Variants in CEP135 observed in about 807,000 individuals in gnomAD.
The protein encoded by CEP135 is centrosomal protein of 135 kDa.
A neutral mutation model predicts 157.3 loss-of-function variants in CEP135; 142 were observed. That is an observed-to-expected ratio of 0.90 (90% confidence interval 0.79 to 1.04). The LOEUF (loss-of-function observed/expected upper bound fraction) is 1.04, where lower values mean the gene tolerates loss of function less well. CEP135 is among the 50% of genes least tolerant of loss of function. CEP135 has a pLI of 0.00. For missense variants in CEP135, 1,317 were observed against 1,309.2 expected, an observed-to-expected ratio of 1.01 and a Z score of -0.09; for synonymous variants, 396 against 439.8, an observed-to-expected ratio of 0.90 and a Z score of 1.25.
In CEP135 at chr4:55,954,402, G is replaced by A. The variant is rs371418852; in HGVS notation, c.472+19G>A. Reference sequence around the variant, plus strand: ...ACTCCAGGTAAATCGATTCCTTCTCGAGACAAATTATACACATTTAATCTT... The same window carrying A: ...ACTCCAGGTAAATCGATTCCTTCTCAAGACAAATTATACACATTTAATCTT... On this transcript the variant is annotated intron_variant, in intron 4 of 25. Coordinates refer to ENST00000257287, the MANE Select transcript of CEP135 (RefSeq NM_025009.5). 1.4e-5 allele frequency: 22 copies of A among 1,572,778 alleles called. No individual in the cohort carries two copies. The highest frequency in any genetic ancestry group is 4.1e-5 in the African/African-American group (3 of 72,876).
intron 14 of CEP135, among the ~76,000 whole-genome samples, chr4:55,989,540 A>G (rs1458105484): frequency 6.6e-6 from 1 of 152,192 alleles, no homozygotes; most frequent in African/African-American, 2.4e-5. Flanking sequence ...ATAGGACCAC[A>G]TTGGCAAAAA....
chr4:56,017,521 G>C, intron 21 of CEP135, 127 bp from the exon 22 acceptor site: 1 of 702,390 alleles, frequency 1.4e-6, no homozygotes, highest in East Asian at 2.8e-5. Context: ...CTTCCTGAGA[G>C]TATTTTAAAA....
intron 11 of CEP135, 87 bp downstream of exon 11, chr4:55,975,056 C>T (rs1050619737): frequency 2.5e-5 from 24 of 965,696 alleles, no homozygotes; most frequent in Non-Finnish European, 3.1e-5. Flanking sequence ...TAACTTTATT[C>T]GTACTTGCTT....
At chr4:56,017,890 T>C in intron 22 of CEP135, 33 bp downstream of exon 22, 1 of 1,559,664 alleles carries the variant, frequency 6.4e-7, no homozygotes, top group Non-Finnish European at 8.8e-7. Context: ...GCACATTGTT[T>C]TATTGAGCCC....
chr4:56,025,729 G>A lies in CEP135; in HGVS notation c.*11+1115G>A, dbSNP rs571112076. On this transcript the variant is annotated intron_variant, in intron 25 of 25. Coordinates refer to ENST00000257287, the MANE Select transcript of CEP135 (RefSeq NM_025009.5). Reference sequence around the variant, plus strand: ...GAACTAGAGGTAGAGAGACCAGTAAGTGGTATGAAATGAGCAGTATAATAG... The same window carrying A: ...GAACTAGAGGTAGAGAGACCAGTAAATGGTATGAAATGAGCAGTATAATAG... 4.6e-5 allele frequency among the ~76,000 whole-genome samples: 7 copies of A among 152,258 alleles called. No homozygotes were observed. In the South Asian group the frequency reaches 1.5e-3, roughly 32 times the overall value.
chr4:55,952,934 G>A (rs1413265064), intron 2 of CEP135, 151 bp from the exon 3 acceptor site: 10 of 592,714 alleles, frequency 1.7e-5, no homozygotes, highest in Non-Finnish European at 2.7e-5. Context: ...AAATCTTACA[G>A]GACTACTCTC....
intron 19 of CEP135, 104 bp downstream of exon 19, chr4:56,010,007 G>C (rs1730515740): frequency 8.5e-7 from 1 of 1,181,824 alleles, no homozygotes; most frequent in Non-Finnish European, 1.2e-6. Context: ...ATAAAAATAA[G>C]TGACATAAAT....
chr4:55,954,320 G>A lies in CEP135; in HGVS notation c.409G>A (p.Ala137Thr), dbSNP rs1728445703. 1 of 1,610,592 alleles carries A rather than the reference G, an allele frequency of 6.2e-7. No individual in the cohort carries two copies. Among genetic ancestry groups the A allele is most frequent in the Non-Finnish European group, 8.5e-7 (1 of 1,178,820 alleles). The change falls in exon 4 of 26, where the codon GCT becomes ACT. Residue 137 changes from alanine (A) to threonine (T), a missense_variant. Transcript: ENST00000257287. ...KLKLLEKESK[A>T]KNERIQQLQE... ...CAAACTGTTGGAGAAAGAGAGCAAA[G>A]CTAAGAATGAAAGAATTCAACAACT...
At chr4:55,985,139 A>C (rs1729534186) in intron 13 of CEP135, 142 bp from the exon 14 acceptor site, 2 of 471,740 alleles carry the variant, frequency 4.2e-6, no homozygotes, top group South Asian at 8.1e-5. Context: ...AAAATGTCTA[A>C]TGATTTTCTT....
chr4:56,030,777 T>C (rs921720122), intron 25 of CEP135, among the ~76,000 whole-genome samples: 4 of 152,048 alleles, frequency 2.6e-5, no homozygotes, highest in Non-Finnish European at 5.9e-5. Flanking sequence ...TATAATGCAG[T>C]ATCACACAGA....
At chr4:56,000,285 A>G (rs1388405406) in intron 17 of CEP135, among the ~76,000 whole-genome samples, 1 of 152,234 alleles carries the variant, frequency 6.6e-6, no homozygotes, top group Non-Finnish European at 1.5e-5. Context: ...AGACATTCAT[A>G]TAATCAAGTC....
intron 3 of CEP135, among the ~76,000 whole-genome samples, chr4:55,953,984 T>C (rs1560395652): frequency 6.6e-6 from 1 of 152,244 alleles, no homozygotes; most frequent in Non-Finnish European, 1.5e-5. Flanking sequence ...AAAGCTATGA[T>C]GTACGTTAGG....
chr4:56,024,412 A>G (rs1430248543), intron 24 of CEP135, 89 bp from the exon 25 acceptor site: 4 of 823,340 alleles, frequency 4.9e-6, no homozygotes, highest in African/African-American at 1.7e-5. Flanking sequence ...ATTTATTACA[A>G]ATTAGCTAAT....
chr4:55,967,366 T>C (rs1728874815), intron 8 of CEP135, among the ~76,000 whole-genome samples: 1 of 152,200 alleles, frequency 6.6e-6, no homozygotes, highest in South Asian at 2.1e-4. Context: ...ATTTAAAGCC[T>C]TTGGCCAGCC....
At chr4:55,968,375 T>G (rs995014408) in intron 8 of CEP135, among the ~76,000 whole-genome samples, 27 of 55,910 alleles carry the variant, frequency 4.8e-4, no homozygotes, top group East Asian at 4.7e-3. Flanking sequence ...CCCAGTGGTG[T>G]TTTTTTTTTT....
chr4:55,981,181 C>A, intron 12 of CEP135, 46 bp from the exon 13 acceptor site: 1 of 1,518,494 alleles, frequency 6.6e-7, no homozygotes, highest in Non-Finnish European at 8.8e-7. Flanking sequence ...TTATTTATAT[C>A]TTTTACTAAA....
At chr4:56,000,646 A>G (rs974150818) in intron 17 of CEP135, among the ~76,000 whole-genome samples, 20 of 152,172 alleles carry the variant, frequency 1.3e-4, no homozygotes, top group African/African-American at 4.6e-4. Flanking sequence ...AGGTCCATCC[A>G]TGTTGCTGCA....
At chr4:55,994,703 T>G (rs1729909890) in intron 15 of CEP135, among the ~76,000 whole-genome samples, 1 of 151,312 alleles carries the variant, frequency 6.6e-6, no homozygotes, top group African/African-American at 2.4e-5. Context: ...TTTTTTTTTT[T>G]GAGACGGAGT....
At chr4:56,029,584 A>G (rs779964373) in intron 25 of CEP135, among the ~76,000 whole-genome samples, 1 of 152,206 alleles carries the variant, frequency 6.6e-6, no homozygotes, top group Non-Finnish European at 1.5e-5. Context: ...TTTACATGAT[A>G]TTGTGCAAAT....
Sources: allele counts gnomAD v4.1 joint callset (sites outside exome capture counted in the v4.1 genomes callset), GRCh38; gene constraint gnomAD v4.1.1; transcripts MANE v1.5; gene names NCBI Gene and HGNC (gene_info 2026-07-23, HGNC 2026-07-21).